The following ATP8A2 variants were observed in gnomAD, a reference collection of about 807,000 sequenced individuals.
ATP8A2 encodes the protein ATPase phospholipid transporting 8A2.
A neutral mutation model predicts 165.6 loss-of-function variants in ATP8A2; 100 were observed. The observed-to-expected ratio is 0.60, with a 90% confidence interval of 0.51 to 0.71. ATP8A2 has a LOEUF of 0.71. Among genes scored for constraint, ATP8A2 ranks in the 30% least tolerant of loss-of-function variants. ATP8A2 has a pLI of 0.00. For synonymous variants in ATP8A2, 543 were observed against 548.8 expected, an observed-to-expected ratio of 0.99 and a Z score of 0.15; for missense variants, 1,227 against 1,479.5, an observed-to-expected ratio of 0.83 and a Z score of 2.80.
chr13:25,711,784 A>G (rs75628285), intron 25 of ATP8A2, among the ~76,000 whole-genome samples: 1 of 152,172 alleles, frequency 6.6e-6, no homozygotes, highest in African/African-American at 2.4e-5. Flanking sequence ...TAGTCATTTA[A>G]GAGTTAGAAT....
chr13:25,724,649 C>G (rs1353624880), intron 25 of ATP8A2, among the ~76,000 whole-genome samples: 2 of 152,184 alleles, frequency 1.3e-5, no homozygotes, highest in Non-Finnish European at 2.9e-5. Context: ...TTGGGCTCCA[C>G]AGCACATGCA....
At chr13:25,815,338 C>G (rs570392524) in intron 27 of ATP8A2, among the ~76,000 whole-genome samples, 6 of 152,222 alleles carry the variant, frequency 3.9e-5, no homozygotes, top group African/African-American at 1.4e-4. Flanking sequence ...CTGAAGAGCT[C>G]CTAAACACAA....
At chr13:25,692,779 T>C (rs1476438281) in intron 24 of ATP8A2, among the ~76,000 whole-genome samples, 1 of 152,220 alleles carries the variant, frequency 6.6e-6, no homozygotes, top group Non-Finnish European at 1.5e-5. Context: ...AAGGCCATGC[T>C]GACCTTGCTA....
chr13:25,613,850 A>G (rs774083172), intron 24 of ATP8A2, among the ~76,000 whole-genome samples: 3 of 152,060 alleles, frequency 2.0e-5, no homozygotes, highest in African/African-American at 4.8e-5. Flanking sequence ...TATTTCTTTA[A>G]GTGTGTCTTT....
intron 33 of ATP8A2, among the ~76,000 whole-genome samples, chr13:25,921,009 G>A (rs1337107766): frequency 6.6e-6 from 1 of 152,144 alleles, no homozygotes; most frequent in African/African-American, 2.4e-5. Context: ...GGTCGAGGCT[G>A]CAGTGAGCCA....
intron 28 of ATP8A2, among the ~76,000 whole-genome samples, chr13:25,829,231 T>A (rs1247575407): frequency 6.6e-6 from 1 of 152,138 alleles, no homozygotes; most frequent in Non-Finnish European, 1.5e-5. Context: ...AGATCTTGAG[T>A]TGAAATTGTG....
chr13:25,571,311 C>T (rs1372042232), intron 17 of ATP8A2, among the ~76,000 whole-genome samples: 1 of 152,180 alleles, frequency 6.6e-6, no homozygotes, highest in Admixed American at 6.5e-5. Flanking sequence ...TGGTGGGAGT[C>T]ATGGGACTAT....
chr13:25,494,740 T>C (rs2036624349), intron 2 of ATP8A2, among the ~76,000 whole-genome samples: 1 of 152,246 alleles, frequency 6.6e-6, no homozygotes, highest in Non-Finnish European at 1.5e-5. Context: ...CAAACACAGT[T>C]AACAGCATCT....
At position 25,691,614 on chromosome 13, in the gene ATP8A2, G is replaced by C. The variant is rs908764604; in HGVS notation, c.2212-7559G>C. ...GAGAAGCCAAACATCTCTTGAAAATGTTTGCTTAATGCCTGTGAGATATCA... is the reference window on the plus strand; with the variant it reads ...GAGAAGCCAAACATCTCTTGAAAATCTTTGCTTAATGCCTGTGAGATATCA... On this transcript the variant is annotated intron_variant, in intron 24 of 36. Coordinates refer to ENST00000381655, the MANE Select transcript of ATP8A2 (RefSeq NM_016529.6). Among the ~76,000 whole-genome samples, 15 of 152,204 alleles carry C rather than the reference G, an allele frequency of 9.9e-5. 1 individual carries two copies. The highest frequency in any genetic ancestry group is 3.6e-4 in the African/African-American group (15 of 41,452).
intron 33 of ATP8A2, among the ~76,000 whole-genome samples, chr13:25,925,535 C>CA (rs200471026): frequency 0.21 from 25,732 of 121,672 alleles, 2,486 homozygotes; most frequent in Admixed American, 0.28. Context: ...GTCTCTGTCT[C>CA]AAAAAAAAAA....
chr13:26,001,585 A>G (rs549517070), intron 35 of ATP8A2, among the ~76,000 whole-genome samples: 24 of 152,150 alleles, frequency 1.6e-4, no homozygotes, highest in East Asian at 7.7e-4. Flanking sequence ...GTGAAGTGCT[A>G]TCTCATGGTA....
At chr13:25,968,400 G>A (rs535373481) in intron 34 of ATP8A2, among the ~76,000 whole-genome samples, 175 bp from the exon 35 acceptor site, 1 of 152,130 alleles carries the variant, frequency 6.6e-6, no homozygotes, top group African/African-American at 2.4e-5. Flanking sequence ...GATACTTCCG[G>A]GCTGTGGAGA....
chr13:25,753,264 G>T (rs2044192470), intron 25 of ATP8A2, among the ~76,000 whole-genome samples: 1 of 152,170 alleles, frequency 6.6e-6, no homozygotes, highest in Non-Finnish European at 1.5e-5. Context: ...ACACTTACAG[G>T]GTGTGGTTCC....
chr13:25,393,859 T>A (rs2033332450), intron 1 of ATP8A2, among the ~76,000 whole-genome samples: 1 of 152,220 alleles, frequency 6.6e-6, no homozygotes, highest in African/African-American at 2.4e-5. Flanking sequence ...TGGGGTTAGC[T>A]GGGAAGGGTC....
chr13:25,689,026 C>G (rs939454488), intron 24 of ATP8A2, among the ~76,000 whole-genome samples: 1 of 152,174 alleles, frequency 6.6e-6, no homozygotes, highest in East Asian at 1.9e-4. Context: ...ACAGCCTGGG[C>G]ACATTATAAT....
intron 28 of ATP8A2, among the ~76,000 whole-genome samples, chr13:25,829,106 G>T (rs982738350): frequency 6.6e-6 from 1 of 152,186 alleles, no homozygotes; most frequent in Non-Finnish European, 1.5e-5. Context: ...AATAACCTCA[G>T]TGCTGGGTGC....
chr13:25,707,711 GT>G (rs35160557), intron 25 of ATP8A2, among the ~76,000 whole-genome samples: 2 of 152,126 alleles, frequency 1.3e-5, no homozygotes, highest in Non-Finnish European at 2.9e-5. Context: ...TCTCTTTGGA[GT>G]TTTTTTGGCT....
chr13:25,938,879 ATCCCCCAGGCTGGAGT>A (rs1406789445), intron 33 of ATP8A2, among the ~76,000 whole-genome samples: 4 of 147,798 alleles, frequency 2.7e-5, no homozygotes, highest in African/African-American at 7.6e-5. Context: ...GTCTCACTCT[ATCCCCCAGGCTGGAGT>A]GCAAAAGCTT....
chr13:25,540,955 G>A (rs369145435), intron 8 of ATP8A2, among the ~76,000 whole-genome samples: 1 of 151,162 alleles, frequency 6.6e-6, no homozygotes, highest in African/African-American at 2.4e-5. Context: ...TCTGCCTCCC[G>A]GGTTCAAGCG....
Sources: gnomAD v4.1 joint callset for allele counts (sites outside exome capture counted in the v4.1 genomes callset) on GRCh38, gnomAD v4.1.1 for gene constraint, MANE v1.5 for transcripts, NCBI Gene and HGNC (gene_info 2026-07-23, HGNC 2026-07-21) for gene names.